The following MYH14 variants were observed in gnomAD, a reference collection of about 807,000 sequenced individuals.
MYH14 encodes the protein myosin heavy chain 14, also known as myosin-14.
MYH14 carries 123 observed loss-of-function variants against 255.5 expected under a neutral mutation model. That is an observed-to-expected ratio of 0.48 (90% CI 0.42 to 0.56). The LOEUF (loss-of-function observed/expected upper bound fraction) is 0.56. Ranked by LOEUF, MYH14 falls within the 20% of genes least tolerant of loss-of-function variation. The probability of loss-of-function intolerance (pLI) is 0.00; values close to 1 mark genes in which losing one functional copy is unlikely to be tolerated. For missense variants in MYH14, 2,423 were observed against 2,802.3 expected, an observed-to-expected ratio of 0.86 and a Z score of 3.06; for synonymous variants, 1,095 against 1,161.2, an observed-to-expected ratio of 0.94 and a Z score of 1.16.
intron 21 of MYH14, among the ~76,000 whole-genome samples, 195 bp from the exon 22 acceptor site, chr19:50,263,117 T>C (rs2034948205): frequency 6.6e-6 from 1 of 152,088 alleles, no homozygotes; most frequent in African/African-American, 2.4e-5. Flanking sequence ...GAGAATTGCT[T>C]GAACCTGGGA....
At chr19:50,253,444 A>C (rs1433396237) in intron 16 of MYH14, among the ~76,000 whole-genome samples, 4 of 101,868 alleles carry the variant, frequency 3.9e-5, no homozygotes, top group South Asian at 2.8e-4. Flanking sequence ...CTCTGTCCCA[A>C]AAAAAAAAAA....
intron 2 of MYH14, among the ~76,000 whole-genome samples, chr19:50,213,044 C>G (rs902392611): frequency 1.3e-5 from 2 of 152,192 alleles, no homozygotes; most frequent in African/African-American, 4.8e-5. Context: ...CCTTCACCTC[C>G]TGGGATCAAG....
intron 33 of MYH14, chr19:50,285,429 A>C (rs1165295169): frequency 2.0e-5 from 3 of 152,190 alleles, no homozygotes; most frequent in Admixed American, 2.0e-4. Context: ...TTTAGTTTTC[A>C]ATGTACATCT....
At chr19:50,236,858 G>A (rs910908887) in intron 10 of MYH14, among the ~76,000 whole-genome samples, 1 of 152,120 alleles carries the variant, frequency 6.6e-6, no homozygotes, top group Non-Finnish European at 1.5e-5. Context: ...ATAGCATTTT[G>A]TGTATTCATA....
chr19:50,212,475 A>G (rs1374623585), intron 2 of MYH14, among the ~76,000 whole-genome samples: 1 of 152,210 alleles, frequency 6.6e-6, no homozygotes, highest in African/African-American at 2.4e-5. Context: ...CCTCTGGGCC[A>G]GGGACTGCTG....
rs11881365 is a variant in MYH14, at chr19:50,300,974, G to A, written c.5470-687G>A. The stretch of plus-strand genomic sequence containing the variant: ...GTTAAAAAAAAAAAACCCCACAAAG[G>A]AGAATATGCTAATTACCCAGTCATT... On this transcript the variant is annotated intron_variant, in intron 39 of 42. Transcript: ENST00000642316. Among the ~76,000 whole-genome samples the A allele has an allele frequency of 7.2e-3, 1,092 of 151,950 alleles. 12 individuals carry two copies. The highest frequency in any genetic ancestry group is 0.025 in the African/African-American group (1,025 of 41,490).
intron 16 of MYH14, among the ~76,000 whole-genome samples, chr19:50,254,451 A>G (rs1306044372): frequency 6.6e-6 from 1 of 152,178 alleles, no homozygotes; most frequent in Non-Finnish European, 1.5e-5. Flanking sequence ...CCGGCTGAAA[A>G]TCTGCTGCCC....
chr19:50,209,608 C>T (rs938501165), intron 1 of MYH14, among the ~76,000 whole-genome samples: 7 of 151,056 alleles, frequency 4.6e-5, no homozygotes, highest in Non-Finnish European at 8.8e-5. Context: ...CACAGTGAAA[C>T]GCTGTCTCTA....
chr19:50,258,919 C>T (rs1252742259), intron 18 of MYH14, among the ~76,000 whole-genome samples: 1 of 152,084 alleles, frequency 6.6e-6, no homozygotes, highest in Non-Finnish European at 1.5e-5. Context: ...TTAGTGACTG[C>T]TTCACCTAGG....
intron 39 of MYH14, among the ~76,000 whole-genome samples, chr19:50,296,098 G>A (rs7249908): frequency 0.029 from 4,264 of 148,676 alleles, 241 homozygotes; most frequent in African/African-American, 0.1. Context: ...GACAGAGCGA[G>A]ACTTTGTCTC....
At chr19:50,272,087 A>AG in intron 26 of MYH14, 115 bp downstream of exon 26, 2 of 1,411,670 alleles carry the variant, frequency 1.4e-6, no homozygotes, top group Non-Finnish European at 1.9e-6. Flanking sequence ...ATAGGAAGGA[A>AG]GGCTCAGGGC....
In MYH14 at chr19:50,230,892, C is replaced by G. The variant is rs889696917; in HGVS notation, c.973+269C>G. ...AGCCCCCGCCGCCTGGTGGCTCCTG[C>G]TCACGCTCGCTTCCGAAGCTCCGTG... On this transcript the variant is annotated intron_variant, in intron 9 of 42. Transcript: ENST00000642316. This position sits in a 1 kb window ranked among gnomAD's most constrained non-coding sequence, Gnocchi z 4.7. 5.3e-5 allele frequency: 25 copies of G among 467,442 alleles called. No homozygotes were observed. In the Admixed American group the frequency reaches 8.7e-4, roughly 16 times the overall value. The allele number at this position is 467,442 out of a possible 1,614,324, so 29.0% of individuals were successfully genotyped here.
In MYH14 at chr19:50,212,207, C is replaced by G. The variant is rs148677161; in HGVS notation, c.405+1437C>G. 9.9e-4 allele frequency among the ~76,000 whole-genome samples: 150 copies of G among 152,228 alleles called. 6 individuals carry two copies. In the East Asian group the frequency reaches 0.027, roughly 28 times the overall value. On this transcript the variant is annotated intron_variant, in intron 2 of 42. Coordinates refer to ENST00000642316, the MANE Select transcript of MYH14 (RefSeq NM_001145809.2). ...AAAATACCAGTGACGGAGCCCCACC[C>G]CAGAACTTTCAGTCGAGCTCTCTGG...
intron 30 of MYH14, among the ~76,000 whole-genome samples, chr19:50,278,945 G>A (rs974187464): frequency 2.9e-4 from 44 of 152,126 alleles, no homozygotes; most frequent in African/African-American, 8.9e-4. Context: ...CTGAGACCGC[G>A]CCATTGCGTT....
At chr19:50,281,937 C>A in intron 33 of MYH14, 95 bp downstream of exon 33, 1 of 1,349,750 alleles carries the variant, frequency 7.4e-7, no homozygotes, top group Non-Finnish European at 1.0e-6. Flanking sequence ...GCTGTCACGG[C>A]TCAACTAGGC....
chr19:50,241,221 G>A (rs2033879146), intron 10 of MYH14, among the ~76,000 whole-genome samples: 4 of 152,120 alleles, frequency 2.6e-5, no homozygotes, highest in Admixed American at 2.0e-4. Flanking sequence ...CGGATCACGA[G>A]GTCAAGAGAT....
Position 50,293,852 on chromosome 19 carries a change from C to G in MYH14, c.5469+165C>G, listed in dbSNP as rs530893584. On this transcript the variant is annotated intron_variant, in intron 39 of 42. Coordinates refer to ENST00000642316, the MANE Select transcript of MYH14 (RefSeq NM_001145809.2). This position sits in a 1 kb window ranked among gnomAD's most constrained non-coding sequence, Gnocchi z 4.1. ...TGAAAGGCATGATTCACTTGTATTT[C>G]TGAGGGGTTTCTTCAGGGCTAAATC... Among the ~76,000 whole-genome samples, 1 of 152,232 alleles carries G rather than the reference C, an allele frequency of 6.6e-6. No homozygotes were observed. The highest frequency in any genetic ancestry group is 2.1e-4 in the South Asian group (1 of 4,818).
At chr19:50,295,564 TG>T (rs1420080362) in intron 39 of MYH14, among the ~76,000 whole-genome samples, 2 of 151,254 alleles carry the variant, frequency 1.3e-5, no homozygotes, top group Non-Finnish European at 2.9e-5. Flanking sequence ...GCACTTTTGG[TG>T]GATTGCTTTT....
At chr19:50,274,584 T>G (rs1304226595) in intron 27 of MYH14, among the ~76,000 whole-genome samples, 1 of 152,132 alleles carries the variant, frequency 6.6e-6, no homozygotes, top group Non-Finnish European at 1.5e-5. Flanking sequence ...CATGAGCCAC[T>G]GTGCTGGCCT....
Sources: allele counts gnomAD v4.1 joint callset (sites outside exome capture counted in the v4.1 genomes callset), GRCh38; gene constraint gnomAD v4.1.1; non-coding constraint Gnocchi (gnomAD v3.1); transcripts MANE v1.5; gene names NCBI Gene and HGNC (gene_info 2026-07-23, HGNC 2026-07-21).